Variants in DYRK1A observed in about 807,000 individuals in gnomAD.
The protein encoded by DYRK1A is dual specificity tyrosine phosphorylation regulated kinase 1A.
A neutral mutation model predicts 79.7 loss-of-function variants in DYRK1A; 9 were observed. The ratio of observed to expected loss-of-function variants is 0.11; its 90% CI spans 0.07 to 0.20. DYRK1A has a LOEUF of 0.20. DYRK1A is among the 10% of genes least tolerant of loss of function. The pLI, the probability that DYRK1A is intolerant of heterozygous loss-of-function variation, is 1.00. For missense variants in DYRK1A, 622 were observed against 956.0 expected, an observed-to-expected ratio of 0.65 and a Z score of 4.61; for synonymous variants, 349 against 329.7, an observed-to-expected ratio of 1.06 and a Z score of -0.63.
chr21:37,479,619 G>GTTTTTGTTTTTGTTTTTTTTT (rs2052550822), intron 4 of DYRK1A, among the ~76,000 whole-genome samples: 2 of 73,898 alleles, frequency 2.7e-5, no homozygotes, highest in East Asian at 6.3e-4. Context: ...TTTGTTTTTT[G>GTTTTTGTTTTTGTTTTTTTTT]TTTTTTTTTT....
chr21:37,372,572 G>A (rs2049454850), intron 1 of DYRK1A, among the ~76,000 whole-genome samples: 1 of 152,230 alleles, frequency 6.6e-6, no homozygotes, highest in South Asian at 2.1e-4. Flanking sequence ...ATGAACAGAG[G>A]CTCCAGAATC....
In DYRK1A at chr21:37,399,163, C is replaced by T. The variant is rs554011777; in HGVS notation, c.-76-21136C>T. ...GTCTTGTGAGTAGAGAGAGCAGAGC[C>T]CTTTAGTGGAAAGAGCATGAGATTT... On this transcript the variant is annotated intron_variant, in intron 1 of 11. Transcript: ENST00000647188. Among the ~76,000 whole-genome samples, 9 of 152,102 alleles carry T rather than the reference C, an allele frequency of 5.9e-5. No homozygotes were observed. In the South Asian group the frequency reaches 1.9e-3, roughly 32 times the overall value.
intron 1 of DYRK1A, chr21:37,375,014 G>GT (rs1387302563): frequency 6.6e-6 from 1 of 152,200 alleles, no homozygotes; most frequent in East Asian, 1.9e-4. Context: ...GACTAGCATT[G>GT]TTTTTCCTGA....
Position 37,521,072 on chromosome 21 carries a change from C to T in DYRK1A, c.*8541C>T, listed in dbSNP as rs1402037115. The T allele has an allele frequency of 6.6e-6, 1 of 152,238 alleles. No homozygotes were observed. The highest frequency in any genetic ancestry group is 1.5e-5 in the Non-Finnish European group (1 of 68,058). The allele number at this position is 152,238 out of a possible 1,614,324, so 9.4% of individuals were successfully genotyped here. On this transcript the variant is annotated 3_prime_UTR_variant, in exon 12 of 12. Coordinates refer to ENST00000647188, the MANE Select transcript of DYRK1A (RefSeq NM_001347721.2). The stretch of plus-strand genomic sequence containing the variant: ...TGTAATGACAGCTACTTAACATCTT[C>T]TGTAGTCTTGAAGAATTCAGATGAG...
Position 37,493,064 on chromosome 21 carries a change from A to G in DYRK1A, c.972A>G (p.Leu324=). The change falls in exon 8 of 12, where the codon CTA becomes CTG. Residue 324 remains leucine (L), a synonymous_variant. Coordinates refer to ENST00000647188, the MANE Select transcript of DYRK1A (RefSeq NM_001347721.2). The stretch of plus-strand genomic sequence containing the variant: ...GCTTTTATCGGTCTCCAGAGGTGCT[A>G]CTGGGAATGCCTTATGACCTTGCCA... ...QSRFYRSPEV[L]LGMPYDLAID... 1 of 1,611,418 alleles carries G rather than the reference A, an allele frequency of 6.2e-7. No individual in the cohort carries two copies. The highest frequency in any genetic ancestry group is 1.3e-5 in the African/African-American group (1 of 74,942).
intron 1 of DYRK1A, among the ~76,000 whole-genome samples, chr21:37,415,733 C>G (rs559482368): frequency 1.3e-5 from 2 of 152,086 alleles, no homozygotes; most frequent in African/African-American, 4.8e-5. Context: ...TCCCAAAGTT[C>G]TGGGATTACA....
chr21:37,420,536 C>G (rs2050447413), intron 2 of DYRK1A, 152 bp downstream of exon 2: 1 of 735,438 alleles, frequency 1.4e-6, no homozygotes, highest in Admixed American at 2.6e-5. Context: ...ATTTGTTAAA[C>G]TTACTTTTGA....
intron 1 of DYRK1A, among the ~76,000 whole-genome samples, chr21:37,393,839 C>A (rs1187516155): frequency 1.3e-5 from 2 of 152,254 alleles, no homozygotes; most frequent in Non-Finnish European, 2.9e-5. Context: ...GGGCATCTTC[C>A]TCCAGGTGGC....
Position 37,514,506 on chromosome 21 carries a change from T to C in DYRK1A, c.*1975T>C, listed in dbSNP as rs914264554. The C allele has an allele frequency of 6.6e-6, 1 of 152,664 alleles. No individual in the cohort carries two copies. Among genetic ancestry groups the C allele is most frequent in the African/African-American group, 2.4e-5 (1 of 41,460 alleles). The allele number at this position is 152,664 out of a possible 1,614,324, so 9.5% of individuals were successfully genotyped here. On this transcript the variant is annotated 3_prime_UTR_variant, in exon 12 of 12. Coordinates refer to ENST00000647188, the MANE Select transcript of DYRK1A (RefSeq NM_001347721.2). ...CGTTTCATTCTATTGGTCAATTCCATGTGGCTGACTAGGTCAATTTTTTTT... is the reference window on the plus strand; with the variant it reads ...CGTTTCATTCTATTGGTCAATTCCACGTGGCTGACTAGGTCAATTTTTTTT...
At position 37,515,905 on chromosome 21, in the gene DYRK1A, T is replaced by C. The variant is rs1338339458; in HGVS notation, c.*3374T>C. On this transcript the variant is annotated 3_prime_UTR_variant, in exon 12 of 12. Coordinates refer to ENST00000647188, the MANE Select transcript of DYRK1A (RefSeq NM_001347721.2). ...GAAAGATTCAGTAATTATGTTAGGC[T>C]CACAAGTGACCATTGAGTTTGCCCC... is the stretch of plus-strand genomic sequence containing the variant. 1.3e-5 allele frequency: 2 copies of C among 152,166 alleles called. No individual in the cohort carries two copies. The allele number at this position is 152,166 out of a possible 1,614,324, so 9.4% of individuals were successfully genotyped here.
At chr21:37,425,193 T>G (rs563462050) in intron 2 of DYRK1A, among the ~76,000 whole-genome samples, 1 of 152,192 alleles carries the variant, frequency 6.6e-6, no homozygotes, top group African/African-American at 2.4e-5. Context: ...GGGTTAAGGC[T>G]TATCCTCTTT....
chr21:37,415,822 A>G (rs2050327430), intron 1 of DYRK1A, among the ~76,000 whole-genome samples: 1 of 152,034 alleles, frequency 6.6e-6, no homozygotes, highest in Non-Finnish European at 1.5e-5. Context: ...TGGAATCAAA[A>G]TTTTTCTACT....
chr21:37,498,344 C>T (rs1223640887), intron 9 of DYRK1A, among the ~76,000 whole-genome samples: 2 of 152,136 alleles, frequency 1.3e-5, no homozygotes, highest in African/African-American at 4.8e-5. Context: ...CATTCCAAAT[C>T]CTCTTGTGAC....
At chr21:37,488,942 C>T in intron 6 of DYRK1A, 1 of 850,212 alleles carries the variant, frequency 1.2e-6, no homozygotes, top group South Asian at 5.4e-5. Flanking sequence ...TCTTAGGTAA[C>T]ATTTAAGGAT....
At chr21:37,400,144 A>G (rs2050026847) in intron 1 of DYRK1A, among the ~76,000 whole-genome samples, 1 of 152,012 alleles carries the variant, frequency 6.6e-6, no homozygotes, top group Non-Finnish European at 1.5e-5. Flanking sequence ...TGCCAGCATT[A>G]CTTGACTTGT....
intron 8 of DYRK1A, among the ~76,000 whole-genome samples, chr21:37,495,257 C>A (rs140839891): frequency 6.1e-4 from 93 of 151,420 alleles, no homozygotes; most frequent in African/African-American, 1.9e-3. Context: ...CGCCTGTAAT[C>A]CCAGCACTTT....
intron 1 of DYRK1A, among the ~76,000 whole-genome samples, chr21:37,386,312 C>T (rs1339158169): frequency 1.3e-5 from 2 of 152,202 alleles, no homozygotes; most frequent in Non-Finnish European, 2.9e-5. Context: ...CCCCAACCCC[C>T]ACCCTGTCCT....
At chr21:37,472,525 A>G (rs781547517) in intron 2 of DYRK1A, among the ~76,000 whole-genome samples, 159 bp from the exon 3 acceptor site, 19 of 152,226 alleles carry the variant, frequency 1.2e-4, no homozygotes, top group Non-Finnish European at 2.6e-4. Flanking sequence ...CATTAAAAAC[A>G]TAACTGTTGT....
chr21:37,435,451 C>T (rs1232206883), intron 2 of DYRK1A, among the ~76,000 whole-genome samples: 3 of 152,040 alleles, frequency 2.0e-5, no homozygotes, highest in Non-Finnish European at 2.9e-5. Flanking sequence ...TGCGGGCAGG[C>T]GGATTTTAGA....
Sources: gnomAD v4.1 joint callset for allele counts (sites outside exome capture counted in the v4.1 genomes callset) on GRCh38, gnomAD v4.1.1 for gene constraint, MANE v1.5 for transcripts, NCBI Gene and HGNC (gene_info 2026-07-23, HGNC 2026-07-21) for gene names.